Variants in N4BP2L2 observed in about 807,000 individuals in gnomAD.
N4BP2L2 encodes NEDD4 binding protein 2 like 2.
In N4BP2L2, 50 loss-of-function variants were observed where a neutral mutation model predicts 56.2. The observed-to-expected ratio is 0.89, with a 90% CI of 0.71 to 1.13. The LOEUF is 1.13. Among genes scored for constraint, N4BP2L2 ranks in the 50% most tolerant of loss-of-function variants. The pLI, the probability that N4BP2L2 is intolerant of heterozygous loss-of-function variation, is 0.00. For missense variants in N4BP2L2, 689 were observed against 693.8 expected, an observed-to-expected ratio of 0.99 and a Z score of 0.08; for synonymous variants, 203 against 223.6, an observed-to-expected ratio of 0.91 and a Z score of 0.82.
At chr13:32,510,066 T>C (rs2091530029), downstream of N4BP2L2, among the ~76,000 whole-genome samples, 1 of 152,012 alleles carries the variant, frequency 6.6e-6, no homozygotes, top group Non-Finnish European at 1.5e-5. Flanking sequence ...AAAATTAATT[T>C]AAAATTCCAT....
chr13:32,496,132 A>T (rs534911597), intron 6 of N4BP2L2, among the ~76,000 whole-genome samples: 48 of 152,282 alleles, frequency 3.2e-4, no homozygotes, highest in African/African-American at 1.1e-3. Context: ...AGACTGGGCC[A>T]CCACACCAAC....
At chr13:32,486,032 T>C (rs1375883530) in intron 6 of N4BP2L2, among the ~76,000 whole-genome samples, 1 of 152,198 alleles carries the variant, frequency 6.6e-6, no homozygotes, top group Non-Finnish European at 1.5e-5. Flanking sequence ...ATTATGCCAC[T>C]GCACTCCAGC....
At chr13:32,483,134 A>C (rs2085129124) in intron 6 of N4BP2L2, among the ~76,000 whole-genome samples, 1 of 152,150 alleles carries the variant, frequency 6.6e-6, no homozygotes, top group Non-Finnish European at 1.5e-5. Context: ...AGTCAAACGA[A>C]ATCTTAACTT....
intron 6 of N4BP2L2, among the ~76,000 whole-genome samples, chr13:32,486,034 C>T (rs1296662816): frequency 6.6e-6 from 1 of 152,182 alleles, no homozygotes; most frequent in Non-Finnish European, 1.5e-5. Context: ...TATGCCACTG[C>T]ACTCCAGCCT....
chr13:32,520,286 T>C (rs1264202824), intron 5 of N4BP2L2, among the ~76,000 whole-genome samples: 1 of 151,514 alleles, frequency 6.6e-6, no homozygotes, highest in East Asian at 1.9e-4. Flanking sequence ...TAAGGGTACG[T>C]GAATTTTATC....
At chr13:32,441,132 G>A (rs1159354873) in intron 7 of N4BP2L2, among the ~76,000 whole-genome samples, 1 of 152,156 alleles carries the variant, frequency 6.6e-6, no homozygotes, top group African/African-American at 2.4e-5. Context: ...TAGGATTACA[G>A]GTGTGAGCCA....
chr13:32,437,175 G>A (rs960894506), intron 8 of N4BP2L2, among the ~76,000 whole-genome samples: 2 of 152,178 alleles, frequency 1.3e-5, no homozygotes, highest in East Asian at 1.9e-4. Context: ...GAGCCACCAC[G>A]CCTGGCCACA....
At chr13:32,436,856 A>ATGTC (rs1566006411) in intron 8 of N4BP2L2, among the ~76,000 whole-genome samples, 1 of 139,332 alleles carries the variant, frequency 7.2e-6, no homozygotes, top group Non-Finnish European at 1.5e-5. Context: ...TAAATATCTA[A>ATGTC]TATCTATCTA....
At chr13:32,458,757 A>C (rs79601734) in intron 6 of N4BP2L2, among the ~76,000 whole-genome samples, 1 of 152,204 alleles carries the variant, frequency 6.6e-6, no homozygotes, top group African/African-American at 2.4e-5. Context: ...AACAAAAAAC[A>C]TAAGATTTAA....
At chr13:32,442,767 T>C (rs1361268779) in exon 7 of N4BP2L2, 1 of 1,613,558 alleles carries the variant, frequency 6.2e-7, no homozygotes. Context: ...AATTTTTGTA[T>C]AAAGATGCAG....
At chr13:32,470,642 G>T (rs1317553846) in intron 6 of N4BP2L2, among the ~76,000 whole-genome samples, 1 of 152,228 alleles carries the variant, frequency 6.6e-6, no homozygotes, top group Non-Finnish European at 1.5e-5. Context: ...AGGCTAATGA[G>T]AGCATGGCAG....
chr13:32,464,753 C>A (rs1854386110), intron 6 of N4BP2L2, among the ~76,000 whole-genome samples: 1 of 151,824 alleles, frequency 6.6e-6, no homozygotes, highest in African/African-American at 2.4e-5. Context: ...AGAAATCCTA[C>A]AAATCAATAA....
intron 5 of N4BP2L2, among the ~76,000 whole-genome samples, chr13:32,520,667 AAAAGT>A (rs2140009066): frequency 6.6e-6 from 1 of 152,208 alleles, no homozygotes; most frequent in East Asian, 1.9e-4. Flanking sequence ...TCAAAAAAAA[AAAAGT>A]AAAGGAAAAA....
chr13:32,477,559 C>A, intron 6 of N4BP2L2: 1 of 261,952 alleles, frequency 3.8e-6, no homozygotes, highest in Non-Finnish European at 7.6e-6. Flanking sequence ...AGACATAGTC[C>A]TGATGTCTTC....
At chr13:32,504,372 C>T (rs1205545453) in intron 6 of N4BP2L2, 1 of 152,156 alleles carries the variant, frequency 6.6e-6, no homozygotes, top group Non-Finnish European at 1.5e-5. Flanking sequence ...CTCAGGCCTC[C>T]CTCCTCAGTT....
At chr13:32,502,061 ATTTT>A (rs368621196) in intron 6 of N4BP2L2, among the ~76,000 whole-genome samples, 1 of 125,418 alleles carries the variant, frequency 8.0e-6, no homozygotes. Flanking sequence ...CTACTACAGC[ATTTT>A]TTTTTTTTTT....
At chr13:32,518,843 A>G (rs75811892) in intron 5 of N4BP2L2, among the ~76,000 whole-genome samples, 1 of 152,136 alleles carries the variant, frequency 6.6e-6, no homozygotes, top group South Asian at 2.1e-4. Flanking sequence ...ATATTTATGT[A>G]CTTTTCTGTA....
intron 5 of N4BP2L2, among the ~76,000 whole-genome samples, chr13:32,520,217 C>T (rs2050414703): frequency 6.6e-6 from 1 of 152,062 alleles, no homozygotes; most frequent in African/African-American, 2.4e-5. Flanking sequence ...GTGAAGGTTG[C>T]ACAACTCTGT....
chr13:32,501,840 C>CA (rs796268652), intron 6 of N4BP2L2, among the ~76,000 whole-genome samples: 532 of 124,106 alleles, frequency 4.3e-3, no homozygotes, highest in East Asian at 8.7e-3. Flanking sequence ...GACTCTGTCT[C>CA]AAAAAAAAAA....
Sources: gnomAD v4.1 joint callset for allele counts (sites outside exome capture counted in the v4.1 genomes callset) on GRCh38, gnomAD v4.1.1 for gene constraint, MANE v1.5 for transcripts, NCBI Gene and HGNC (gene_info 2026-07-23, HGNC 2026-07-21) for gene names.